TMEM132B: variants seen among roughly 807,000 people sequenced by gnomAD.
TMEM132B encodes transmembrane protein 132B.
A neutral mutation model predicts 90.8 loss-of-function variants in TMEM132B; 18 were observed. The ratio of observed to expected loss-of-function variants is 0.20; its 90% CI spans 0.14 to 0.29. The LOEUF is 0.29. Ranked by LOEUF, TMEM132B falls within the 10% of genes least tolerant of loss-of-function variation. The pLI, the probability that TMEM132B is intolerant of heterozygous loss-of-function variation, is 1.00. For missense variants in TMEM132B, 1,096 were observed against 1,326.8 expected, an observed-to-expected ratio of 0.83 and a Z score of 2.70; for synonymous variants, 504 against 523.3, an observed-to-expected ratio of 0.96 and a Z score of 0.50.
At chr12:125,585,118 G>A (rs1315333401) in intron 5 of TMEM132B, 4 of 152,150 alleles carry the variant, frequency 2.6e-5, no homozygotes, top group Non-Finnish European at 5.9e-5. Flanking sequence ...TTAAGCAAGA[G>A]ACAGTTTCGG....
At chr12:125,493,231 C>T (rs974873479) in intron 3 of TMEM132B, among the ~76,000 whole-genome samples, 4 of 152,174 alleles carry the variant, frequency 2.6e-5, no homozygotes, top group African/African-American at 9.7e-5. Context: ...CTAGTGATTG[C>T]TCAAACTAAG....
At chr12:125,228,181 C>T (rs1168077194) in intron 1 of TMEM132B, among the ~76,000 whole-genome samples, 1 of 152,156 alleles carries the variant, frequency 6.6e-6, no homozygotes, top group Non-Finnish European at 1.5e-5. Context: ...GGAAGACCCC[C>T]TGTTTCCGCC....
intron 1 of TMEM132B, among the ~76,000 whole-genome samples, chr12:125,202,401 C>T (rs2136058007): frequency 6.6e-6 from 1 of 152,378 alleles, no homozygotes; most frequent in South Asian, 2.1e-4. Context: ...GCCCCAGAAG[C>T]TCTCACAAGG....
chr12:125,420,068 C>T (rs1381557608), intron 3 of TMEM132B, among the ~76,000 whole-genome samples: 1 of 152,220 alleles, frequency 6.6e-6, no homozygotes, highest in East Asian at 1.9e-4. Context: ...TGGCTACTTT[C>T]ATGGGCTGGT....
At position 125,430,753 on chromosome 12, in the gene TMEM132B, G is replaced by A. The variant is rs191580949; in HGVS notation, c.1106+15076G>A. The stretch of plus-strand genomic sequence containing the variant: ...AGCTGGAAACAAAACCAGTGAGTCG[G>A]TCCTGGCTCTCCTGGAACTTACATC... On this transcript the variant is annotated intron_variant, in intron 3 of 8. Coordinates refer to ENST00000682704, the MANE Select transcript of TMEM132B (RefSeq NM_001366854.1). 2.0e-4 allele frequency among the ~76,000 whole-genome samples: 30 copies of A among 152,348 alleles called. No homozygotes were observed. In the East Asian group the frequency reaches 3.1e-3, roughly 16 times the overall value.
intron 1 of TMEM132B, among the ~76,000 whole-genome samples, chr12:125,191,109 G>GGGT (rs35104107): frequency 0.71 from 35,696 of 50,394 alleles, 14,010 homozygotes; most frequent in African/African-American, 0.79. Flanking sequence ...GATGGGGAAG[G>GGGT]GGTGGTGGTG....
intron 3 of TMEM132B, among the ~76,000 whole-genome samples, chr12:125,484,390 G>C (rs906174017): frequency 2.0e-5 from 3 of 152,150 alleles, no homozygotes; most frequent in African/African-American, 7.2e-5. Flanking sequence ...CATGAGGGTT[G>C]TGGCTGGGGC....
intron 4 of TMEM132B, among the ~76,000 whole-genome samples, chr12:125,553,146 G>A (rs1353136656): frequency 6.6e-6 from 1 of 152,180 alleles, no homozygotes. Flanking sequence ...GATGGAAGAG[G>A]GACCATTTTA....
At chr12:125,203,629 T>C (rs1332450680) in intron 1 of TMEM132B, among the ~76,000 whole-genome samples, 2 of 152,248 alleles carry the variant, frequency 1.3e-5, no homozygotes, top group Non-Finnish European at 2.9e-5. Flanking sequence ...CCAGAACTCA[T>C]GATCTATTGG....
chr12:125,291,807 A>G (rs770950420), intron 1 of TMEM132B, among the ~76,000 whole-genome samples: 4 of 152,206 alleles, frequency 2.6e-5, no homozygotes, highest in Non-Finnish European at 4.4e-5. Context: ...TAAATGTGCC[A>G]TTTGTAGAGG....
At chr12:125,197,696 G>A (rs1872956079) in intron 1 of TMEM132B, among the ~76,000 whole-genome samples, 1 of 152,180 alleles carries the variant, frequency 6.6e-6, no homozygotes, top group Non-Finnish European at 1.5e-5. Flanking sequence ...TGCCTTAAAT[G>A]TTCAAGTAGG....
At chr12:125,470,514 C>G (rs944147649) in intron 3 of TMEM132B, among the ~76,000 whole-genome samples, 6 of 152,202 alleles carry the variant, frequency 3.9e-5, no homozygotes, top group Admixed American at 1.3e-4. Flanking sequence ...GACACATGAT[C>G]CAAAGTGCAG....
At chr12:125,544,780 A>G (rs1442364600) in intron 4 of TMEM132B, among the ~76,000 whole-genome samples, 1 of 152,206 alleles carries the variant, frequency 6.6e-6, no homozygotes, top group Non-Finnish European at 1.5e-5. Context: ...CAGTGGGTAT[A>G]GGGTGTGGGC....
intron 1 of TMEM132B, among the ~76,000 whole-genome samples, chr12:125,293,037 T>C (rs1395116964): frequency 6.6e-6 from 1 of 152,206 alleles, no homozygotes; most frequent in Non-Finnish European, 1.5e-5. Context: ...GCCCAGGTCA[T>C]GGGTTGGATT....
At chr12:125,521,313 C>T (rs1438784681) in intron 4 of TMEM132B, among the ~76,000 whole-genome samples, 1 of 152,146 alleles carries the variant, frequency 6.6e-6, no homozygotes, top group African/African-American at 2.4e-5. Flanking sequence ...CCTTCCTCTT[C>T]CCCTTCCCCT....
intron 1 of TMEM132B, among the ~76,000 whole-genome samples, chr12:125,205,247 G>A (rs1179209680): frequency 1.3e-5 from 2 of 151,898 alleles, no homozygotes; most frequent in Admixed American, 6.6e-5. Context: ...GCCAGGCAGG[G>A]TGCTTAGCCC....
At chr12:125,242,570 A>T (rs2136093827) in intron 1 of TMEM132B, among the ~76,000 whole-genome samples, 2 of 152,332 alleles carry the variant, frequency 1.3e-5, no homozygotes, top group Middle Eastern at 6.8e-3. Flanking sequence ...AAGCCTGAGG[A>T]CATCCCAGTG....
chr12:125,522,693 C>T lies in TMEM132B; in HGVS notation c.1293+3068C>T, dbSNP rs367930724. ...GCTGCCAGCTGTGAGGTGCTGCTGGCCACCATGAACTGTAGGAGTGGGACA... is the reference window on the plus strand; with the variant it reads ...GCTGCCAGCTGTGAGGTGCTGCTGGTCACCATGAACTGTAGGAGTGGGACA... On this transcript the variant is annotated intron_variant, in intron 4 of 8. Coordinates refer to ENST00000682704, the MANE Select transcript of TMEM132B (RefSeq NM_001366854.1). Among the ~76,000 whole-genome samples, 17 of 152,288 alleles carry T rather than the reference C, an allele frequency of 1.1e-4. No homozygotes were observed. The South Asian group carries it at 2.1e-3, about 19-fold the overall frequency.
At chr12:125,292,740 A>G (rs955050622) in intron 1 of TMEM132B, among the ~76,000 whole-genome samples, 30 of 152,298 alleles carry the variant, frequency 2.0e-4, no homozygotes, top group African/African-American at 6.7e-4. Context: ...TGTCATTCGT[A>G]TAGCTGGTGA....
Sources: gnomAD v4.1 joint callset for allele counts (sites outside exome capture counted in the v4.1 genomes callset) on GRCh38, gnomAD v4.1.1 for gene constraint, MANE v1.5 for transcripts, NCBI Gene and HGNC (gene_info 2026-07-23, HGNC 2026-07-21) for gene names.